Variants in GSK3B observed in about 807,000 individuals in gnomAD.
GSK3B encodes glycogen synthase kinase-3 beta.
A neutral mutation model predicts 56.4 loss-of-function variants in GSK3B; 15 were observed. That is an observed-to-expected ratio of 0.27 (90% confidence interval 0.18 to 0.41). The LOEUF (loss-of-function observed/expected upper bound fraction) is 0.41, where lower values mean the gene tolerates loss of function less well. GSK3B is among the 10% of genes least tolerant of loss of function. The pLI, the probability that GSK3B is intolerant of heterozygous loss-of-function variation, is 1.00. For missense variants in GSK3B, 300 were observed against 513.4 expected (o/e 0.58, Z 4.02); for synonymous variants, 181 against 188.9 (o/e 0.96, Z 0.34).
chr3:119,902,072 G>A (rs1015604726), intron 7 of GSK3B, among the ~76,000 whole-genome samples: 7 of 152,016 alleles, frequency 4.6e-5, no homozygotes, highest in Admixed American at 1.3e-4. Flanking sequence ...CTTAAAAAAC[G>A]TGAGAACTGA....
intron 1 of GSK3B, among the ~76,000 whole-genome samples, chr3:120,071,211 A>G (rs1264848725): frequency 1.3e-5 from 2 of 152,214 alleles, no homozygotes; most frequent in Non-Finnish European, 2.9e-5. Flanking sequence ...ATTAAATAAA[A>G]AAACAACAAC....
chr3:120,085,032 G>C (rs1004829434), intron 1 of GSK3B, among the ~76,000 whole-genome samples: 3 of 152,188 alleles, frequency 2.0e-5, no homozygotes, highest in Non-Finnish European at 4.4e-5. Context: ...ATAAGAAATT[G>C]TAATGCCAGT....
intron 2 of GSK3B, among the ~76,000 whole-genome samples, chr3:119,952,656 G>A (rs1482084480): frequency 6.8e-6 from 1 of 147,494 alleles, no homozygotes; most frequent in Admixed American, 6.7e-5. Flanking sequence ...CACATACATG[G>A]GAAAAACAAT....
At chr3:119,857,385 G>T (rs1432590327) in intron 9 of GSK3B, among the ~76,000 whole-genome samples, 1 of 152,148 alleles carries the variant, frequency 6.6e-6, no homozygotes, top group Non-Finnish European at 1.5e-5. Flanking sequence ...TAAGATTATG[G>T]AATATTCTAA....
At chr3:119,933,835 C>A (rs1189176064) in intron 3 of GSK3B, among the ~76,000 whole-genome samples, 1 of 152,144 alleles carries the variant, frequency 6.6e-6, no homozygotes, top group African/African-American at 2.4e-5. Flanking sequence ...AGAGATCAAG[C>A]CACTGCACTC....
At chr3:119,919,726 C>T (rs192647655) in intron 4 of GSK3B, among the ~76,000 whole-genome samples, 7 of 151,752 alleles carry the variant, frequency 4.6e-5, no homozygotes, top group African/African-American at 1.7e-4. Flanking sequence ...TTCACTATAG[C>T]AAAAACCAAA....
rs1027698632 is a variant in GSK3B, at chr3:119,823,116, C to T, written c.*3672G>A. ...CTTCTGCCTTGCTGGAATGAACACACGATGTTTCAAAAATAGTAACCTTTG... is the reference window on the plus strand; with the variant it reads ...CTTCTGCCTTGCTGGAATGAACACATGATGTTTCAAAAATAGTAACCTTTG... On this transcript the variant is annotated 3_prime_UTR_variant, in exon 11 of 11. Transcript: ENST00000264235. The T allele has an allele frequency of 1.7e-5, 4 of 228,986 alleles. No homozygotes were observed. Among genetic ancestry groups the T allele is most frequent in the Middle Eastern group, 1.3e-3 (1 of 766 alleles). 14.2% of individuals were successfully genotyped at this position (228,986 alleles called of 1,614,324 possible).
At chr3:120,034,607 T>C (rs2058007123) in intron 1 of GSK3B, among the ~76,000 whole-genome samples, 1 of 152,198 alleles carries the variant, frequency 6.6e-6, no homozygotes, top group African/African-American at 2.4e-5. Flanking sequence ...ACCGTCTGGA[T>C]TGATGTAAAT....
intron 1 of GSK3B, among the ~76,000 whole-genome samples, chr3:120,008,574 T>C (rs1267207218): frequency 2.0e-5 from 3 of 152,148 alleles, no homozygotes; most frequent in Non-Finnish European, 4.4e-5. Context: ...CACCATCTGA[T>C]CTCTGACAAA....
At chr3:119,965,233 T>A (rs2057308745) in intron 2 of GSK3B, among the ~76,000 whole-genome samples, 1 of 150,866 alleles carries the variant, frequency 6.6e-6, no homozygotes, top group Non-Finnish European at 1.5e-5. Context: ...TTGTATTTTT[T>A]TTTTTTTTTT....
At chr3:119,957,152 G>A (rs75591557) in intron 2 of GSK3B, among the ~76,000 whole-genome samples, 1 of 152,158 alleles carries the variant, frequency 6.6e-6, no homozygotes, top group East Asian at 1.9e-4. Context: ...TTGATTTAGG[G>A]ACTAATGTTC....
chr3:119,884,270 C>T (rs1333906566), intron 7 of GSK3B, among the ~76,000 whole-genome samples: 2 of 152,100 alleles, frequency 1.3e-5, no homozygotes, highest in Non-Finnish European at 2.9e-5. Context: ...AAGGTGTTCA[C>T]TGCAGGTGGC....
intron 7 of GSK3B, among the ~76,000 whole-genome samples, chr3:119,889,486 T>G (rs918729775): frequency 6.6e-6 from 1 of 152,164 alleles, no homozygotes; most frequent in African/African-American, 2.4e-5. Context: ...ACATTACTAC[T>G]TGAAGACTGA....
chr3:119,951,913 T>C (rs570222466), intron 2 of GSK3B, among the ~76,000 whole-genome samples: 47 of 148,528 alleles, frequency 3.2e-4, no homozygotes, highest in Admixed American at 2.1e-3. Flanking sequence ...ATAACAAAAA[T>C]GAGATTCACT....
chr3:119,874,783 G>A (rs1402149286), intron 8 of GSK3B, among the ~76,000 whole-genome samples: 1 of 151,968 alleles, frequency 6.6e-6, no homozygotes, highest in Non-Finnish European at 1.5e-5. Context: ...ACTACTGTTG[G>A]CATTTTGGAA....
intron 1 of GSK3B, among the ~76,000 whole-genome samples, chr3:120,060,919 T>A (rs1275026970): frequency 6.6e-6 from 1 of 152,210 alleles, no homozygotes; most frequent in East Asian, 1.9e-4. Context: ...TATTTGTTTA[T>A]TTATGGTAAT....
intron 2 of GSK3B, among the ~76,000 whole-genome samples, chr3:119,978,853 C>G (rs1019582575): frequency 2.0e-5 from 3 of 152,208 alleles, no homozygotes; most frequent in Admixed American, 6.5e-5. Flanking sequence ...AGAGGACCAG[C>G]AGGACTAAGC....
intron 7 of GSK3B, among the ~76,000 whole-genome samples, chr3:119,882,411 G>T (rs1017135190): frequency 2.6e-5 from 4 of 152,074 alleles, no homozygotes; most frequent in African/African-American, 9.7e-5. Context: ...CAAAAAAGTT[G>T]TGAAAGTTTT....
chr3:119,986,997 T>C (rs1217663775), intron 2 of GSK3B, among the ~76,000 whole-genome samples: 1 of 152,166 alleles, frequency 6.6e-6, no homozygotes, highest in Non-Finnish European at 1.5e-5. Flanking sequence ...TATGCAGCCA[T>C]AAAAAAGGAT....
Sources: gnomAD v4.1 joint callset for allele counts (sites outside exome capture counted in the v4.1 genomes callset) on GRCh38, gnomAD v4.1.1 for gene constraint, MANE v1.5 for transcripts, NCBI Gene and HGNC (gene_info 2026-07-23, HGNC 2026-07-21) for gene names.